The following AHCYL2 variants were observed in gnomAD, a reference collection of about 807,000 sequenced individuals.
AHCYL2 encodes S-adenosylhomocysteine hydrolase-like protein 2.
Under a neutral mutation model 81.4 loss-of-function variants are expected in AHCYL2, and 28 were observed. That is an observed-to-expected ratio of 0.34 (90% CI 0.25 to 0.47). The LOEUF (loss-of-function observed/expected upper bound fraction) is 0.47. Among genes scored for constraint, AHCYL2 ranks in the 20% least tolerant of loss-of-function variants. The probability of loss-of-function intolerance (pLI) is 1.00; values close to 1 mark genes in which losing one functional copy is unlikely to be tolerated. For synonymous variants in AHCYL2, 272 were observed against 290.2 expected (o/e 0.94, Z 0.64); for missense variants, 551 against 785.1 (o/e 0.70, Z 3.56).
chr7:129,282,506 T>C lies in AHCYL2; in HGVS notation c.363+57067T>C, dbSNP rs537753012. Among the ~76,000 whole-genome samples the C allele has an allele frequency of 6.1e-4, 93 of 152,324 alleles. 1 individual carries two copies. In the South Asian group the frequency reaches 7.7e-3, roughly 13 times the overall value. ...CTGATCTGCCATCAGTCTTATCCAA[T>C]GCATTTTTCATATTAGACATTATTC... is the stretch of plus-strand genomic sequence containing the variant. On this transcript the variant is annotated intron_variant, in intron 1 of 16. Transcript: ENST00000325006.
intron 1 of AHCYL2, chr7:129,375,556 A>C: frequency 1.9e-3 from 1,829 of 970,118 alleles, no homozygotes; most frequent in Non-Finnish European, 2.2e-3. Flanking sequence ...TTGTCAAGGG[A>C]CTTGCAAGGT....
In AHCYL2 at chr7:129,429,094, G is replaced by A. The variant is rs1797476662; in HGVS notation, c.*2049G>A. 6.6e-6 allele frequency: 1 copy of A among 152,216 alleles called. No homozygotes were observed. Among genetic ancestry groups the A allele is most frequent in the Admixed American group, 6.5e-5 (1 of 15,278 alleles). 9.4% of individuals were successfully genotyped at this position (152,216 alleles called of 1,614,324 possible). On this transcript the variant is annotated 3_prime_UTR_variant, in exon 17 of 17. Coordinates refer to ENST00000325006, the MANE Select transcript of AHCYL2 (RefSeq NM_015328.4). Reference sequence around the variant, plus strand: ...TCTCAGCAAAGCCTTGCTCTCTGGAGCTTACTATGTGCTGGTACTTAAAGA... The same window carrying A: ...TCTCAGCAAAGCCTTGCTCTCTGGAACTTACTATGTGCTGGTACTTAAAGA...
chr7:129,414,424 T>TTC (rs1217995003), intron 12 of AHCYL2, among the ~76,000 whole-genome samples: 1 of 146,576 alleles, frequency 6.8e-6, no homozygotes, highest in Non-Finnish European at 1.5e-5. Context: ...TTGTTTCTTT[T>TTC]TTTTTTTTTT....
intron 1 of AHCYL2, among the ~76,000 whole-genome samples, chr7:129,259,692 G>A (rs1795551571): frequency 6.6e-6 from 1 of 151,986 alleles, no homozygotes; most frequent in African/African-American, 2.4e-5. Flanking sequence ...TTTTCTCTTT[G>A]TAAAGGAAGA....
chr7:129,424,317 T>C (rs865961957), intron 13 of AHCYL2, among the ~76,000 whole-genome samples: 28 of 151,926 alleles, frequency 1.8e-4, no homozygotes, highest in Middle Eastern at 3.5e-3. Flanking sequence ...GGAGAATCAC[T>C]TGAACCCAGG....
Position 129,427,733 on chromosome 7 carries a change from T to A in AHCYL2, c.*688T>A, listed in dbSNP as rs1336125589. 6.6e-6 allele frequency: 1 copy of A among 152,634 alleles called. No homozygotes were observed. The highest frequency in any genetic ancestry group is 2.4e-5 in the African/African-American group (1 of 41,460). The allele number at this position is 152,634 out of a possible 1,614,324, so 9.5% of individuals were successfully genotyped here. On this transcript the variant is annotated 3_prime_UTR_variant, in exon 17 of 17. Transcript: ENST00000325006. This position sits in a 1 kb window ranked among gnomAD's most constrained non-coding sequence, Gnocchi z 5.5. ...AGAGGGATGTGCCTCCATTATTTCCTCCACAGTTTTGGTATTTGTCAGACA... is the reference window on the plus strand; with the variant it reads ...AGAGGGATGTGCCTCCATTATTTCCACCACAGTTTTGGTATTTGTCAGACA...
chr7:129,338,149 A>G lies in AHCYL2; in HGVS notation c.364-41489A>G, dbSNP rs1171474639. 2.0e-5 allele frequency among the ~76,000 whole-genome samples: 3 copies of G among 152,208 alleles called. No individual in the cohort carries two copies. The East Asian group carries it at 5.8e-4, about 29-fold the overall frequency. On this transcript the variant is annotated intron_variant, in intron 1 of 16. Coordinates refer to ENST00000325006, the MANE Select transcript of AHCYL2 (RefSeq NM_015328.4). ...GCTAGAGGTGGAATTGCTGATTCCA[A>G]GGATGTATGCATTGTACTTTTTTTT...
intron 1 of AHCYL2, among the ~76,000 whole-genome samples, chr7:129,266,441 G>A (rs1445242498): frequency 6.6e-6 from 1 of 152,008 alleles, no homozygotes; most frequent in Admixed American, 6.6e-5. Context: ...TCAGGAGAAT[G>A]GCTTGAACCC....
At chr7:129,288,245 G>T (rs1354886541) in intron 1 of AHCYL2, among the ~76,000 whole-genome samples, 1 of 151,936 alleles carries the variant, frequency 6.6e-6, no homozygotes, top group Admixed American at 6.6e-5. Context: ...CAAGTCATTT[G>T]TGTTGGCAGA....
chr7:129,326,422 G>C (rs930890118), intron 1 of AHCYL2, among the ~76,000 whole-genome samples: 2 of 152,074 alleles, frequency 1.3e-5, no homozygotes, highest in Non-Finnish European at 2.9e-5. Context: ...AGCTACTTGG[G>C]AGGCAGAGGC....
chr7:129,367,267 A>C (rs775975609), intron 1 of AHCYL2, among the ~76,000 whole-genome samples: 5 of 152,182 alleles, frequency 3.3e-5, no homozygotes, highest in African/African-American at 9.7e-5. Flanking sequence ...TATCCTCTTC[A>C]ATGGGAATTA....
At chr7:129,279,639 C>T (rs1796357159) in intron 1 of AHCYL2, among the ~76,000 whole-genome samples, 1 of 152,170 alleles carries the variant, frequency 6.6e-6, no homozygotes, top group Non-Finnish European at 1.5e-5. Context: ...GCTTCATAAG[C>T]AGAGCAGCCC....
chr7:129,426,972 G>C lies in AHCYL2; in HGVS notation c.1830-67G>C. The C allele has an allele frequency of 5.2e-6, 8 of 1,529,990 alleles. No homozygotes were observed. The highest frequency in any genetic ancestry group is 1.4e-5 in the African/African-American group (1 of 72,818). The allele number at this position is 1,529,990 out of a possible 1,614,324, so 94.8% of individuals were successfully genotyped here. A position where few individuals can be genotyped will look rare whatever the true frequency, so the allele number is the denominator to read the frequency against. On this transcript the variant is annotated intron_variant, in intron 16 of 16. Coordinates refer to ENST00000325006, the MANE Select transcript of AHCYL2 (RefSeq NM_015328.4). This position sits in a 1 kb window ranked among gnomAD's most constrained non-coding sequence, Gnocchi z 4.3. ...GCCTCCCTGTTACACCTTTAGGCAGGCTCTTCATGTCCCAGCATCCCCATT... is the reference window on the plus strand; with the variant it reads ...GCCTCCCTGTTACACCTTTAGGCAGCCTCTTCATGTCCCAGCATCCCCATT...
intron 1 of AHCYL2, among the ~76,000 whole-genome samples, chr7:129,280,709 A>G (rs1279825750): frequency 6.6e-6 from 1 of 151,442 alleles, no homozygotes; most frequent in Admixed American, 6.6e-5. Context: ...TTTTTTTTAG[A>G]TCCCCTTTAT....
At chr7:129,338,166 C>CT (rs528691946) in intron 1 of AHCYL2, among the ~76,000 whole-genome samples, 94 of 146,080 alleles carry the variant, frequency 6.4e-4, no homozygotes, top group South Asian at 1.3e-3. Flanking sequence ...ATGCATTGTA[C>CT]TTTTTTTTTT....
At chr7:129,321,743 GTTT>G in intron 1 of AHCYL2, among the ~76,000 whole-genome samples, 5,579 of 77,644 alleles carry the variant, frequency 0.072, 385 homozygotes, top group African/African-American at 0.24. Flanking sequence ...TTCTTTCTTT[GTTT>G]TTTTTTTTTT....
intron 1 of AHCYL2, among the ~76,000 whole-genome samples, chr7:129,373,195 T>G (rs1794498816): frequency 6.6e-6 from 1 of 152,170 alleles, no homozygotes; most frequent in Non-Finnish European, 1.5e-5. Flanking sequence ...CAATGTGCTT[T>G]AATAAGCTCT....
At chr7:129,277,276 CT>C (rs1796249611) in intron 1 of AHCYL2, among the ~76,000 whole-genome samples, 3 of 140,142 alleles carry the variant, frequency 2.1e-5, no homozygotes, top group Non-Finnish European at 4.7e-5. Context: ...TAAAGTCTCT[CT>C]CTTTTTTTTT....
intron 1 of AHCYL2, among the ~76,000 whole-genome samples, chr7:129,267,169 G>A: frequency 6.6e-6 from 1 of 151,560 alleles, no homozygotes; most frequent in East Asian, 1.9e-4. Flanking sequence ...CATGAGTGGG[G>A]TGTGTGGTGT....
Sources: allele counts gnomAD v4.1 joint callset (sites outside exome capture counted in the v4.1 genomes callset), GRCh38; gene constraint gnomAD v4.1.1; non-coding constraint Gnocchi (gnomAD v3.1); transcripts MANE v1.5; gene names NCBI Gene and HGNC (gene_info 2026-07-23, HGNC 2026-07-21).